Variants in ASAP1 observed in about 807,000 individuals in gnomAD.
ASAP1 encodes arf-GAP with SH3 domain, ANK repeat and PH domain-containing protein 1.
Under a neutral mutation model 145.2 loss-of-function variants are expected in ASAP1, and 43 were observed. The observed-to-expected ratio is 0.30, with a 90% confidence interval of 0.23 to 0.38. The LOEUF (loss-of-function observed/expected upper bound fraction) is 0.38. Among genes scored for constraint, ASAP1 ranks in the 10% least tolerant of loss-of-function variants. The pLI is 1.00. For missense variants in ASAP1, 1,018 were observed against 1,355.3 expected, an observed-to-expected ratio of 0.75 and a Z score of 3.91; for synonymous variants, 546 against 515.5, an observed-to-expected ratio of 1.06 and a Z score of -0.80.
intron 3 of ASAP1, among the ~76,000 whole-genome samples, chr8:130,300,188 C>CGAGAGAGAGAGA (rs1250286895): frequency 9.1e-6 from 1 of 109,868 alleles, no homozygotes; most frequent in Non-Finnish European, 1.9e-5. Context: ...AGAGAGAGAG[C>CGAGAGAGAGAGA]GAGCGAGCGA....
intron 24 of ASAP1, among the ~76,000 whole-genome samples, chr8:130,096,232 C>G (rs187270554): frequency 6.6e-6 from 1 of 152,180 alleles, no homozygotes; most frequent in East Asian, 1.9e-4. Flanking sequence ...AGAAGACTTC[C>G]AAAATTAGTA....
intron 27 of ASAP1, among the ~76,000 whole-genome samples, chr8:130,069,221 T>C (rs2097436691): frequency 6.6e-6 from 1 of 152,146 alleles, no homozygotes; most frequent in African/African-American, 2.4e-5. Flanking sequence ...AAAATGGAAA[T>C]TGATACAGTT....
chr8:130,267,119 CAAACA>C (rs1228929235), intron 3 of ASAP1, among the ~76,000 whole-genome samples: 1 of 127,294 alleles, frequency 7.9e-6, no homozygotes, highest in Non-Finnish European at 1.8e-5. Flanking sequence ...AACAAACAAA[CAAACA>C]AAAAAAAAAC....
chr8:130,104,398 T>C (rs1413790753), intron 24 of ASAP1, among the ~76,000 whole-genome samples: 1 of 152,254 alleles, frequency 6.6e-6, no homozygotes, highest in Non-Finnish European at 1.5e-5. Context: ...TCTTCCTTAT[T>C]TGAAGGTGTT....
chr8:130,300,580 C>T (rs1822601801), intron 3 of ASAP1, among the ~76,000 whole-genome samples: 1 of 152,184 alleles, frequency 6.6e-6, no homozygotes, highest in African/African-American at 2.4e-5. Context: ...GAGTTTCTAG[C>T]ATGATTCTAA....
chr8:130,390,763 A>C (rs80251169), intron 2 of ASAP1, among the ~76,000 whole-genome samples: 2,507 of 152,348 alleles, frequency 0.016, 37 homozygotes, highest in East Asian at 0.053. Flanking sequence ...TATCACAAAA[A>C]CAGAAAATAA....
At chr8:130,435,751 T>C (rs1159560143) in intron 1 of ASAP1, among the ~76,000 whole-genome samples, 1 of 152,188 alleles carries the variant, frequency 6.6e-6, no homozygotes, top group Non-Finnish European at 1.5e-5. Flanking sequence ...GCCTGAATTA[T>C]TCCTCCCATC....
rs149456090 is a variant in ASAP1 at position 130,412,394 on chromosome 8, G to A, written c.-27-10424C>T. On this transcript the variant is annotated intron_variant, in intron 1 of 29. Coordinates refer to ENST00000518721, the MANE Select transcript of ASAP1 (RefSeq NM_018482.4). ...GATGTGTCGTTTAAAACTGTGTTGCGCCTTGCTCTCTCTCTTGCTCCTGCT... is the reference window on the plus strand; with the variant it reads ...GATGTGTCGTTTAAAACTGTGTTGCACCTTGCTCTCTCTCTTGCTCCTGCT... 2.5e-3 allele frequency among the ~76,000 whole-genome samples: 383 copies of A among 151,922 alleles called. 1 individual carries two copies. Among genetic ancestry groups the A allele is most frequent in the African/African-American group, 7.6e-3 (317 of 41,448 alleles).
chr8:130,225,639 G>C (rs993577810), intron 4 of ASAP1, among the ~76,000 whole-genome samples: 1 of 152,190 alleles, frequency 6.6e-6, no homozygotes, highest in Admixed American at 6.5e-5. Context: ...GATGGAGTGG[G>C]TTAGGTTTCA....
intron 2 of ASAP1, chr8:130,361,142 GTTCC>G: frequency 6.2e-6 from 1 of 160,752 alleles, no homozygotes; most frequent in East Asian, 1.8e-4. Context: ...TGAGGTGGTG[GTTCC>G]TTCCATCTTC....
At chr8:130,414,795 T>C (rs940372325) in intron 1 of ASAP1, among the ~76,000 whole-genome samples, 12 of 151,852 alleles carry the variant, frequency 7.9e-5, no homozygotes, top group Non-Finnish European at 2.9e-5. Flanking sequence ...TCTTCCTCTG[T>C]TGCCCAGATA....
intron 2 of ASAP1, among the ~76,000 whole-genome samples, chr8:130,399,598 T>G (rs1828684305): frequency 6.6e-6 from 1 of 152,184 alleles, no homozygotes; most frequent in African/African-American, 2.4e-5. Context: ...GCCTCCAGCC[T>G]CTCACTTCAT....
chr8:130,349,821 T>C (rs1022129487), intron 3 of ASAP1, among the ~76,000 whole-genome samples: 3 of 152,188 alleles, frequency 2.0e-5, no homozygotes, highest in Non-Finnish European at 4.4e-5. Flanking sequence ...ATTGCCTCCT[T>C]TAATACTCAA....
At chr8:130,078,197 C>T (rs961885102) in intron 26 of ASAP1, among the ~76,000 whole-genome samples, 1 of 152,136 alleles carries the variant, frequency 6.6e-6, no homozygotes, top group African/African-American at 2.4e-5. Context: ...ACCATGTTGG[C>T]CAGGCTGGTC....
At chr8:130,112,972 G>A (rs2097549172) in intron 23 of ASAP1, among the ~76,000 whole-genome samples, 1 of 152,146 alleles carries the variant, frequency 6.6e-6, no homozygotes. Context: ...ATTCCCCTTG[G>A]AAATATCCCT....
intron 1 of ASAP1, among the ~76,000 whole-genome samples, chr8:130,404,942 T>C (rs888611235): frequency 2.0e-5 from 3 of 151,972 alleles, no homozygotes; most frequent in Non-Finnish European, 4.4e-5. Flanking sequence ...CAAAGACATG[T>C]GGAGCAGATC....
chr8:130,136,122 C>T (rs1290047238), intron 14 of ASAP1, among the ~76,000 whole-genome samples: 1 of 152,214 alleles, frequency 6.6e-6, no homozygotes, highest in East Asian at 1.9e-4. Flanking sequence ...ACGAGAGTCA[C>T]TTCAATGGCA....
At chr8:130,228,700 TAAAA>T (rs34562395) in intron 4 of ASAP1, among the ~76,000 whole-genome samples, 1 of 129,120 alleles carries the variant, frequency 7.7e-6, no homozygotes, top group Non-Finnish European at 1.6e-5. Context: ...GACCCTGTCT[TAAAA>T]AAAAAAAAAA....
At chr8:130,366,225 C>G (rs1247566913) in intron 2 of ASAP1, among the ~76,000 whole-genome samples, 1 of 152,190 alleles carries the variant, frequency 6.6e-6, no homozygotes, top group Non-Finnish European at 1.5e-5. Context: ...TCAAGGAATG[C>G]CTATGCACAA....
Sources: allele counts gnomAD v4.1 joint callset (sites outside exome capture counted in the v4.1 genomes callset), GRCh38; gene constraint gnomAD v4.1.1; transcripts MANE v1.5; gene names NCBI Gene and HGNC (gene_info 2026-07-23, HGNC 2026-07-21).